CTIF: variants seen among roughly 807,000 people sequenced by gnomAD.
The protein encoded by CTIF is CBP80/20-dependent translation initiation factor.
In CTIF, 21 loss-of-function variants were observed where a neutral mutation model predicts 66.0. That is an observed-to-expected ratio of 0.32 (90% CI 0.23 to 0.46). CTIF has a LOEUF of 0.46. Ranked by LOEUF, CTIF falls within the 20% of genes least tolerant of loss-of-function variation. The pLI is 1.00. For synonymous variants in CTIF, 345 were observed against 326.4 expected (o/e 1.06, Z -0.62); for missense variants, 739 against 812.7 (o/e 0.91, Z 1.10).
intron 7 of CTIF, among the ~76,000 whole-genome samples, chr18:48,739,359 A>G (rs1440310529): frequency 1.3e-5 from 2 of 152,216 alleles, no homozygotes; most frequent in Non-Finnish European, 2.9e-5. Context: ...GTCGTGGCCC[A>G]TGACGCCTTT....
chr18:48,784,211 C>T (rs995774744), intron 9 of CTIF, among the ~76,000 whole-genome samples: 11 of 152,178 alleles, frequency 7.2e-5, no homozygotes, highest in African/African-American at 9.6e-5. Context: ...CCCCGAGCAT[C>T]GAGAGGAGAG....
At chr18:48,758,862 G>T (rs1908678468) in intron 8 of CTIF, among the ~76,000 whole-genome samples, 1 of 152,354 alleles carries the variant, frequency 6.6e-6, no homozygotes, top group South Asian at 2.1e-4. Context: ...CCAGAATGGG[G>T]AGCAGAGGTG....
intron 1 of CTIF, among the ~76,000 whole-genome samples, chr18:48,577,579 T>C (rs1401093915): frequency 2.0e-5 from 3 of 151,990 alleles, no homozygotes; most frequent in African/African-American, 7.3e-5. Context: ...CTTGTTTCTT[T>C]TGTTTGTTTG....
chr18:48,765,065 A>G (rs1168290359), intron 9 of CTIF, among the ~76,000 whole-genome samples: 1 of 152,148 alleles, frequency 6.6e-6, no homozygotes, highest in African/African-American at 2.4e-5. Flanking sequence ...AGCATAATTC[A>G]TGGCCCCTCA....
intron 5 of CTIF, among the ~76,000 whole-genome samples, chr18:48,669,261 A>G (rs986535810): frequency 6.6e-6 from 1 of 152,042 alleles, no homozygotes; most frequent in African/African-American, 2.4e-5. Flanking sequence ...TGAACTAGTT[A>G]CTCTGAAAGG....
chr18:48,647,391 C>T (rs12607888), intron 3 of CTIF, among the ~76,000 whole-genome samples: 6,271 of 152,042 alleles, frequency 0.041, 169 homozygotes, highest in South Asian at 0.12. Context: ...TGTTGATACC[C>T]GGAGATGCTG....
chr18:48,715,518 C>T (rs370149635), intron 7 of CTIF, among the ~76,000 whole-genome samples: 8 of 152,164 alleles, frequency 5.3e-5, no homozygotes, highest in African/African-American at 1.7e-4. Context: ...TCGTTCCCCC[C>T]CTTTTCTCAA....
At chr18:48,750,447 G>A (rs1424337001) in intron 7 of CTIF, among the ~76,000 whole-genome samples, 4 of 152,260 alleles carry the variant, frequency 2.6e-5, no homozygotes, top group African/African-American at 9.6e-5. Context: ...ATGGAGGAAG[G>A]TGGCAGGAGT....
chr18:48,746,084 C>T (rs942458304), intron 7 of CTIF, among the ~76,000 whole-genome samples: 3 of 152,350 alleles, frequency 2.0e-5, no homozygotes, highest in East Asian at 1.9e-4. Flanking sequence ...CGGCTGGCGG[C>T]GTTCTCCGCC....
intron 1 of CTIF, among the ~76,000 whole-genome samples, chr18:48,541,040 G>A (rs1381310403): frequency 6.6e-6 from 1 of 152,190 alleles, no homozygotes; most frequent in African/African-American, 2.4e-5. Context: ...GGCGCGGGGG[G>A]TTGGTTTGGC....
At chr18:48,674,457 T>G (rs1167732885) in intron 6 of CTIF, among the ~76,000 whole-genome samples, 1 of 152,202 alleles carries the variant, frequency 6.6e-6, no homozygotes. Flanking sequence ...CTAGCTTATC[T>G]CTCAGTGGGT....
chr18:48,796,378 A>G (rs972877761), intron 9 of CTIF, among the ~76,000 whole-genome samples: 77 of 152,078 alleles, frequency 5.1e-4, no homozygotes, highest in African/African-American at 1.4e-3. Flanking sequence ...GGGTTTCACC[A>G]TGTTAGCCAG....
intron 10 of CTIF, among the ~76,000 whole-genome samples, chr18:48,819,701 T>C (rs567601747): frequency 2.4e-4 from 37 of 152,314 alleles, no homozygotes; most frequent in Non-Finnish European, 3.2e-4. Context: ...CATGGTAAAC[T>C]TGAAGAATAA....
chr18:48,645,325 G>A (rs530296399), intron 3 of CTIF, among the ~76,000 whole-genome samples: 2 of 144,454 alleles, frequency 1.4e-5, no homozygotes, highest in South Asian at 4.4e-4. Flanking sequence ...TACAGGAAAC[G>A]GACTAAGAAA....
Position 48,817,459 on chromosome 18 carries a change from G to A in CTIF, c.1527+83G>A, listed in dbSNP as rs1450070921. The A allele has an allele frequency of 3.3e-6, 5 of 1,493,114 alleles. No individual in the cohort carries two copies. In the African/African-American group the frequency reaches 4.1e-5, roughly 12 times the overall value. 92.5% of individuals were successfully genotyped at this position (1,493,114 alleles called of 1,614,324 possible). ...CGTCTCAGATAACTGGGACAAAGCT[G>A]TGAGGGTAGGCTCACTTAGAAAGGG... On this transcript the variant is annotated intron_variant, in intron 10 of 11. Coordinates refer to ENST00000256413, the MANE Select transcript of CTIF (RefSeq NM_014772.3).
At position 48,860,460 on chromosome 18, in the gene CTIF, T is replaced by A. The variant is rs555626374; in HGVS notation, c.*901T>A. ...TGGAAACTTCTGCCCCGGCGGGGGG[T>A]CCCCGCTGGAATCCTGTGTTCCTCG... is the stretch of plus-strand genomic sequence containing the variant. On this transcript the variant is annotated 3_prime_UTR_variant, in exon 12 of 12. Coordinates refer to ENST00000256413, the MANE Select transcript of CTIF (RefSeq NM_014772.3). 5.0e-4 allele frequency: 77 copies of A among 154,236 alleles called. No homozygotes were observed. Among genetic ancestry groups the A allele is most frequent in the Admixed American group, 2.9e-3 (47 of 16,032 alleles). 9.6% of individuals were successfully genotyped at this position (154,236 alleles called of 1,614,324 possible). A position where few individuals can be genotyped will look rare whatever the true frequency, so the allele number is the denominator to read the frequency against.
chr18:48,778,501 G>A (rs891605197), intron 9 of CTIF, among the ~76,000 whole-genome samples: 4 of 152,194 alleles, frequency 2.6e-5, no homozygotes, highest in African/African-American at 9.6e-5. Context: ...ACTCTCATCC[G>A]GGGTTTGTAC....
chr18:48,732,760 G>A (rs768234395), intron 7 of CTIF, among the ~76,000 whole-genome samples: 23 of 152,288 alleles, frequency 1.5e-4, no homozygotes, highest in South Asian at 6.2e-4. Context: ...GCTCCTGTAT[G>A]CCCTCCAGCC....
At chr18:48,609,187 G>GA (rs2090262610) in intron 1 of CTIF, among the ~76,000 whole-genome samples, 2 of 152,194 alleles carry the variant, frequency 1.3e-5, no homozygotes, top group South Asian at 4.1e-4. Context: ...GAGCCAGACT[G>GA]AGGCCCAAGG....
Sources: allele counts gnomAD v4.1 joint callset (sites outside exome capture counted in the v4.1 genomes callset), GRCh38; gene constraint gnomAD v4.1.1; transcripts MANE v1.5; gene names NCBI Gene and HGNC (gene_info 2026-07-23, HGNC 2026-07-21).